The following AVEN variants were observed in gnomAD, a reference collection of about 807,000 sequenced individuals.
The protein encoded by AVEN is cell death regulator Aven.
A neutral mutation model predicts 38.1 loss-of-function variants in AVEN; 41 were observed. The observed-to-expected ratio is 1.08, with a 90% CI of 0.84 to 1.40. AVEN has a LOEUF of 1.40. Ranked by LOEUF, AVEN falls within the 40% of genes most tolerant of loss-of-function variation. The pLI, the probability that AVEN is intolerant of heterozygous loss-of-function variation, is 0.00. For synonymous variants in AVEN, 206 were observed against 171.8 expected (o/e 1.20, Z -1.56); for missense variants, 605 against 438.8 (o/e 1.38, Z -3.38).
At chr15:33,983,158 G>GTA (rs775545239) in intron 2 of AVEN, among the ~76,000 whole-genome samples, 16,107 of 136,046 alleles carry the variant, frequency 0.12, 1,546 homozygotes, top group East Asian at 0.25. Context: ...GTGTGTGTGT[G>GTA]TATGTGTGTG....
intron 5 of AVEN, among the ~76,000 whole-genome samples, chr15:34,053,413 A>G (rs1900018396): frequency 6.7e-6 from 1 of 150,032 alleles, no homozygotes; most frequent in African/African-American, 2.4e-5. Flanking sequence ...GTGTCGTGCT[A>G]CCTACTTCCA....
rs557876505 is a variant in AVEN, at chr15:33,961,552, G to A, written c.445+41480C>T. ...GTCTGCACTGGGTGAGGTGGCTCAT[G>A]CCTGTAATCCCAGCACTTTGGGAGG... On this transcript the variant is annotated intron_variant, in intron 2 of 5. Transcript: ENST00000306730. Among the ~76,000 whole-genome samples the A allele has an allele frequency of 1.8e-4, 28 of 151,948 alleles. 1 individual carries two copies. The South Asian group carries it at 3.7e-3, about 20-fold the overall frequency.
intron 2 of AVEN, among the ~76,000 whole-genome samples, chr15:33,889,148 C>T (rs904413193): frequency 6.6e-6 from 1 of 152,150 alleles, no homozygotes; most frequent in African/African-American, 2.4e-5. Context: ...TTTTGAACAT[C>T]TTCCAGATTT....
downstream of AVEN, among the ~76,000 whole-genome samples, chr15:33,855,202 A>G (rs114648711): frequency 0.044 from 6,502 of 149,068 alleles, 370 homozygotes; most frequent in South Asian, 0.13. Flanking sequence ...GACCTTGGAG[A>G]TCTTTTTTTT....
chr15:34,059,402 G>A (rs886391277), intron 5 of AVEN, among the ~76,000 whole-genome samples: 6 of 152,040 alleles, frequency 3.9e-5, no homozygotes, highest in South Asian at 2.1e-4. Context: ...TTCAGCAAGC[G>A]GTCAGATCAT....
At chr15:34,003,294 G>A (rs1897211533) in intron 1 of AVEN, 85 bp from the exon 2 acceptor site, 1 of 1,184,864 alleles carries the variant, frequency 8.4e-7, no homozygotes, top group Non-Finnish European at 1.2e-6. Flanking sequence ...AAAGTACATG[G>A]ACATAACAAT....
At chr15:34,022,860 C>A (rs1898264547) in intron 1 of AVEN, among the ~76,000 whole-genome samples, 1 of 152,236 alleles carries the variant, frequency 6.6e-6, no homozygotes, top group African/African-American at 2.4e-5. Context: ...TGCAGCTCTG[C>A]TGAAAGCTTG....
intron 5 of AVEN, among the ~76,000 whole-genome samples, chr15:34,050,915 C>A (rs1177332139): frequency 6.6e-6 from 1 of 152,128 alleles, no homozygotes; most frequent in Non-Finnish European, 1.5e-5. Flanking sequence ...GACTTTAACA[C>A]CCCACCGACT....
chr15:33,886,338 T>C (rs151264986), intron 2 of AVEN, among the ~76,000 whole-genome samples: 1 of 152,324 alleles, frequency 6.6e-6, no homozygotes, highest in East Asian at 1.9e-4. Context: ...AGTCTCGCTC[T>C]GTCGCCCAGG....
chr15:33,881,359 A>C (rs1891479150), intron 2 of AVEN, among the ~76,000 whole-genome samples: 1 of 151,994 alleles, frequency 6.6e-6, no homozygotes, highest in Non-Finnish European at 1.5e-5. Context: ...AGCTAGGATT[A>C]CAGGTATGAG....
intron 2 of AVEN, among the ~76,000 whole-genome samples, chr15:33,927,395 AAT>A (rs1326455476): frequency 6.6e-6 from 1 of 152,016 alleles, no homozygotes; most frequent in Non-Finnish European, 1.5e-5. Context: ...CAATAATAAT[AAT>A]AGTTAATAAT....
intron 2 of AVEN, among the ~76,000 whole-genome samples, chr15:33,992,642 C>T (rs930809527): frequency 7.5e-6 from 1 of 133,252 alleles, no homozygotes; most frequent in Non-Finnish European, 1.6e-5. Context: ...TATATTGGCA[C>T]AAACTATATA....
chr15:33,929,996 T>C (rs1409233514), intron 2 of AVEN, among the ~76,000 whole-genome samples: 2 of 152,202 alleles, frequency 1.3e-5, no homozygotes, highest in African/African-American at 4.8e-5. Flanking sequence ...CCTCCAGTCC[T>C]TTCTTCATAA....
chr15:34,073,918 G>A (rs1193455534), intron 1 of AVEN, among the ~76,000 whole-genome samples: 1 of 151,100 alleles, frequency 6.6e-6, no homozygotes, highest in Non-Finnish European at 1.5e-5. Flanking sequence ...TAGTCTACAG[G>A]AACTATTTCC....
At chr15:33,997,903 C>T (rs1468016876) in intron 2 of AVEN, among the ~76,000 whole-genome samples, 2 of 152,118 alleles carry the variant, frequency 1.3e-5, no homozygotes, top group East Asian at 3.9e-4. Context: ...TTTATGAATA[C>T]CAACTTCATG....
At chr15:33,857,936 G>C (rs772377160), downstream of AVEN, 15 of 1,379,264 alleles carry the variant, frequency 1.1e-5, no homozygotes, top group African/African-American at 3.6e-5. Flanking sequence ...CCCACTGCGG[G>C]GCCAGCCCAC....
chr15:33,924,980 G>C (rs1893559724), intron 2 of AVEN, among the ~76,000 whole-genome samples: 1 of 152,082 alleles, frequency 6.6e-6, no homozygotes, highest in African/African-American at 2.4e-5. Flanking sequence ...CATATTTTTA[G>C]AACTCCTTTT....
At chr15:33,854,321 T>A, downstream of AVEN, 1 of 1,330,158 alleles carries the variant, frequency 7.5e-7, no homozygotes, top group East Asian at 2.5e-5. Flanking sequence ...ACTTACTTTT[T>A]CCCCCTTATT....
intron 2 of AVEN, among the ~76,000 whole-genome samples, chr15:33,984,126 G>A (rs554434264): frequency 6.6e-6 from 1 of 152,096 alleles, no homozygotes; most frequent in East Asian, 1.9e-4. Flanking sequence ...TTGGAGAAAT[G>A]CAAATAAAGT....
Sources: allele counts gnomAD v4.1 joint callset (sites outside exome capture counted in the v4.1 genomes callset), GRCh38; gene constraint gnomAD v4.1.1; transcripts MANE v1.5; gene names NCBI Gene and HGNC (gene_info 2026-07-23, HGNC 2026-07-21).